The following MGST1 variants were observed in gnomAD, a reference collection of about 807,000 sequenced individuals.
The protein encoded by MGST1 is glutathione S-transferase 12.
In MGST1, 5 loss-of-function variants were observed where a neutral mutation model predicts 8.9. The observed-to-expected ratio is 0.56, with a 90% confidence interval of 0.29 to 1.19. The LOEUF (loss-of-function observed/expected upper bound fraction) is 1.19, where lower values mean the gene tolerates loss of function less well. MGST1 is among the 50% of genes most tolerant of loss of function. The pLI is 0.08. For synonymous variants in MGST1, 54 were observed against 67.8 expected (o/e 0.80, Z 1.00); for missense variants, 182 against 187.4 (o/e 0.97, Z 0.17).
chr12:16,441,763 C>T (rs539350827), downstream of MGST1, among the ~76,000 whole-genome samples: 1 of 151,860 alleles, frequency 6.6e-6, no homozygotes, highest in South Asian at 2.1e-4. Context: ...TGGTTGATTC[C>T]AAGTTCTGGC....
At chr12:16,387,243 A>G (rs12580403) in intron 1 of MGST1, among the ~76,000 whole-genome samples, 28,218 of 152,108 alleles carry the variant, frequency 0.19, 2,764 homozygotes, top group East Asian at 0.36. Flanking sequence ...CATTTTGGTC[A>G]ATGATGGAGC....
Position 16,526,131 on chromosome 12 carries a change from A to C in MGST1, n.483-63397A>C, listed in dbSNP as rs999294569. ...CTGATGGTAGTTTCTTTTGCTGTGC[A>C]GAAGCTCTTTAGTTTAATTAGATCC... On this transcript the variant is annotated intron_variant and non_coding_transcript_variant, in intron 4 of 4. Coordinates refer to the MGST1 transcript ENST00000538857. 1.4e-3 allele frequency among the ~76,000 whole-genome samples: 212 copies of C among 148,854 alleles called. 2 individuals carry two copies. Among genetic ancestry groups the C allele is most frequent in the Admixed American group, 3.2e-3 (48 of 15,012 alleles).
chr12:16,466,667 A>T (rs951427906), intron 4 of MGST1, among the ~76,000 whole-genome samples: 6 of 152,250 alleles, frequency 3.9e-5, no homozygotes, highest in African/African-American at 1.4e-4. Context: ...AGGAGAAACT[A>T]CAGAAACCTA....
chr12:16,464,285 G>T (rs1447249717), intron 4 of MGST1, among the ~76,000 whole-genome samples: 1 of 152,102 alleles, frequency 6.6e-6, no homozygotes, highest in African/African-American at 2.4e-5. Context: ...ATCTAATGCT[G>T]CAGACAGGCA....
At chr12:16,354,556 T>G (rs991873126) in intron 2 of MGST1, 178 bp downstream of exon 2, 2 of 486,388 alleles carry the variant, frequency 4.1e-6, no homozygotes, top group Non-Finnish European at 6.9e-6. Context: ...AACAGTTGCT[T>G]TCTCCTAGAA....
chr12:16,349,532 T>C (rs1939360380), intron 1 of MGST1, among the ~76,000 whole-genome samples: 2 of 152,094 alleles, frequency 1.3e-5, no homozygotes, highest in Admixed American at 1.3e-4. Context: ...ATTTGGGTCA[T>C]ATTACTCACT....
At chr12:16,465,141 G>C (rs764488750) in intron 4 of MGST1, among the ~76,000 whole-genome samples, 1 of 152,170 alleles carries the variant, frequency 6.6e-6, no homozygotes, top group Non-Finnish European at 1.5e-5. Flanking sequence ...GCAAGAGGAG[G>C]GGTGGTGGTA....
At chr12:16,558,938 C>T (rs1312788257) in intron 4 of MGST1, among the ~76,000 whole-genome samples, 1 of 152,056 alleles carries the variant, frequency 6.6e-6, no homozygotes, top group African/African-American at 2.4e-5. Context: ...GAATCAAATT[C>T]AGAGAGATTA....
intron 4 of MGST1, among the ~76,000 whole-genome samples, chr12:16,512,241 G>A (rs1350106638): frequency 6.6e-5 from 10 of 151,850 alleles, no homozygotes; most frequent in Non-Finnish European, 4.4e-5. Flanking sequence ...TATGGATGGT[G>A]GGGAAGATTT....
chr12:16,360,444 G>T, intron 3 of MGST1: 1 of 843,034 alleles, frequency 1.2e-6, no homozygotes, highest in Non-Finnish European at 1.4e-6. Context: ...AAAACTTAAG[G>T]TAATATGTGT....
In MGST1 at chr12:16,560,607, G is replaced by GA; in HGVS notation, n.483-28920dup. On this transcript the variant is annotated intron_variant and non_coding_transcript_variant, in intron 4 of 4. Transcript: ENST00000538857. The surrounding 1 kb of genome is among the most constrained non-coding windows in gnomAD (Gnocchi z 5.0). ...GAAATCTGAGATCGTGAAGAGAGAT[G>GA]ATGTTAATATACTCTGTAAAGCTAC... 7.1e-7 allele frequency: 1 copy of GA among 1,401,298 alleles called. No homozygotes were observed. The highest frequency in any genetic ancestry group is 1.0e-6 in the Non-Finnish European group (1 of 1,004,258). The allele number at this position is 1,401,298 out of a possible 1,614,324, so 86.8% of individuals were successfully genotyped here. A position where few individuals can be genotyped will look rare whatever the true frequency, so the allele number is the denominator to read the frequency against.
At chr12:16,492,704 T>C (rs17668749) in intron 4 of MGST1, among the ~76,000 whole-genome samples, 23,987 of 152,166 alleles carry the variant, frequency 0.16, 2,212 homozygotes, top group Non-Finnish European at 0.2. Flanking sequence ...TAAAGATTTT[T>C]TTAAAAAGGT....
chr12:16,527,016 C>A (rs1330990789), intron 4 of MGST1, among the ~76,000 whole-genome samples: 1 of 151,962 alleles, frequency 6.6e-6, no homozygotes, highest in African/African-American at 2.4e-5. Context: ...CCATCCTGAG[C>A]AGAAGAATTC....
chr12:16,505,921 C>A (rs1209347620), intron 4 of MGST1, among the ~76,000 whole-genome samples: 6 of 152,292 alleles, frequency 3.9e-5, no homozygotes, highest in Middle Eastern at 6.8e-3. Context: ...CCCACTCAGT[C>A]CTTGTCATTT....
At chr12:16,395,811 A>ATG (rs1247749625) in intron 1 of MGST1, among the ~76,000 whole-genome samples, 5 of 141,404 alleles carry the variant, frequency 3.5e-5, no homozygotes, top group African/African-American at 1.5e-4. Flanking sequence ...ATATACACAC[A>ATG]CACACACACA....
intron 1 of MGST1, among the ~76,000 whole-genome samples, chr12:16,422,430 A>G (rs541986288): frequency 2.6e-5 from 4 of 152,208 alleles, no homozygotes; most frequent in Non-Finnish European, 4.4e-5. Context: ...AAAATGGCCT[A>G]TTTTCAGCAT....
intron 4 of MGST1, among the ~76,000 whole-genome samples, chr12:16,522,686 C>T (rs1462682733): frequency 6.6e-6 from 1 of 152,082 alleles, no homozygotes; most frequent in East Asian, 1.9e-4. Flanking sequence ...ATTATTTTTC[C>T]TGGGATATAC....
At chr12:16,504,849 ACCC>A (rs1941527254) in intron 4 of MGST1, among the ~76,000 whole-genome samples, 1 of 152,048 alleles carries the variant, frequency 6.6e-6, no homozygotes, top group Non-Finnish European at 1.5e-5. Context: ...TCCTCAGACA[ACCC>A]ATAAAAATAG....
chr12:16,397,024 A>T (rs144378099), intron 1 of MGST1, among the ~76,000 whole-genome samples: 1 of 152,310 alleles, frequency 6.6e-6, no homozygotes, highest in African/African-American at 2.4e-5. Context: ...CTGATTTCAA[A>T]CTATACTATA....
Sources: allele counts gnomAD v4.1 joint callset (sites outside exome capture counted in the v4.1 genomes callset), GRCh38; gene constraint gnomAD v4.1.1; non-coding constraint Gnocchi (gnomAD v3.1); transcripts MANE v1.5; gene names NCBI Gene and HGNC (gene_info 2026-07-23, HGNC 2026-07-21).